Variants in NUDCD3 observed in about 807,000 individuals in gnomAD.
NUDCD3 encodes the protein nudC domain-containing protein 3.
NUDCD3 carries 13 observed loss-of-function variants against 39.7 expected under a neutral mutation model. The observed-to-expected ratio is 0.33, with a 90% CI of 0.21 to 0.52. The LOEUF is 0.52. Among genes scored for constraint, NUDCD3 ranks in the 20% least tolerant of loss-of-function variants. The pLI is 0.96. For missense variants in NUDCD3, 453 were observed against 458.1 expected (o/e 0.99, Z 0.10); for synonymous variants, 175 against 172.4 (o/e 1.02, Z -0.12).
intron 5 of NUDCD3, among the ~76,000 whole-genome samples, chr7:44,387,655 A>C (rs1480893958): frequency 6.6e-6 from 1 of 152,184 alleles, no homozygotes; most frequent in East Asian, 1.9e-4. Flanking sequence ...CAGCCACCAC[A>C]GTCTTACCCT....
chr7:44,433,833 C>T, intron 2 of NUDCD3, among the ~76,000 whole-genome samples: 1 of 152,132 alleles, frequency 6.6e-6, no homozygotes. Flanking sequence ...GCCCAGGAGA[C>T]AAGGCCAGGG....
At chr7:44,460,635 A>C (rs1444193865) in intron 2 of NUDCD3, among the ~76,000 whole-genome samples, 2 of 152,210 alleles carry the variant, frequency 1.3e-5, no homozygotes, top group Non-Finnish European at 2.9e-5. Flanking sequence ...CTGAGGTTCT[A>C]AACCTATTTA....
intron 2 of NUDCD3, among the ~76,000 whole-genome samples, chr7:44,479,840 G>A (rs541506755): frequency 1.5e-4 from 23 of 152,224 alleles, no homozygotes; most frequent in Non-Finnish European, 3.1e-4. Context: ...AGGACTTGGG[G>A]TGCAGCTAAA....
chr7:44,467,116 A>C (rs555556571), intron 2 of NUDCD3, among the ~76,000 whole-genome samples: 1 of 152,334 alleles, frequency 6.6e-6, no homozygotes, highest in East Asian at 1.9e-4. Flanking sequence ...TCTGCAGGGC[A>C]GAGTGTGCTG....
At position 44,485,079 on chromosome 7, in the gene NUDCD3, A is replaced by T. The variant is rs776659627; in HGVS notation, c.398T>A (p.Val133Glu). Residue 133 changes from valine to glutamate, a missense_variant, in exon 2 of 6, where the codon GTG (valine) becomes GAG (glutamate). Transcript: ENST00000355451. ...ELDGHQEVEK[V>E]QPPGPVKEMA... ...TTCCTTCACAGGGCCTGGAGGCTGC[A>T]CTTTCTCTACTTCCTGATGCCCATC... 1 of 1,614,136 alleles carries T rather than the reference A, an allele frequency of 6.2e-7. No homozygotes were observed. Among genetic ancestry groups the T allele is most frequent in the South Asian group, 1.1e-5 (1 of 91,086 alleles).
intron 1 of NUDCD3, 126 bp downstream of exon 1, chr7:44,490,283 A>T: frequency 1.1e-6 from 1 of 935,002 alleles, no homozygotes; most frequent in Non-Finnish European, 1.5e-6. Context: ...AGCCATTCTC[A>T]CAAGCTCAAC....
At chr7:44,488,437 T>C (rs1459249432) in intron 1 of NUDCD3, among the ~76,000 whole-genome samples, 2 of 152,252 alleles carry the variant, frequency 1.3e-5, no homozygotes, top group South Asian at 2.1e-4. Context: ...AAGCATCTGC[T>C]GGAGACTGTT....
At chr7:44,479,026 T>G (rs996078320) in intron 2 of NUDCD3, among the ~76,000 whole-genome samples, 1 of 152,188 alleles carries the variant, frequency 6.6e-6, no homozygotes, top group African/African-American at 2.4e-5. Flanking sequence ...AAACACATCC[T>G]TCTTCACATA....
chr7:44,490,454 G>C lies in NUDCD3; in HGVS notation c.147C>G (p.Asp49Glu). The C allele has an allele frequency of 1.9e-6, 3 of 1,596,564 alleles. No homozygotes were observed. The highest frequency in any genetic ancestry group is 2.6e-6 in the Non-Finnish European group (3 of 1,172,676). The change falls in exon 1 of 6, where the codon GAC becomes GAG. Residue 49 changes from aspartate (D) to glutamate (E), a missense_variant. Asp to Glu is a conservative substitution (Grantham distance 45). Transcript: ENST00000355451. ...CGGCCCCGGGCGGGAAGCCCATGCG[G>C]TCCGATGGGTGGCGCAGCAAGCGAT... The part of the protein sequence containing the change: ...DFYRLLRHPS[D>E]RMGFPPGAAQ...
intron 2 of NUDCD3, among the ~76,000 whole-genome samples, chr7:44,430,000 G>C (rs189678653): frequency 1.8e-3 from 275 of 152,268 alleles, no homozygotes; most frequent in African/African-American, 6.3e-3. Context: ...TAATTTCTAA[G>C]AAGAAATATA....
chr7:44,439,776 C>A, intron 2 of NUDCD3, among the ~76,000 whole-genome samples: 1 of 151,852 alleles, frequency 6.6e-6, no homozygotes, highest in East Asian at 1.9e-4. Flanking sequence ...TTATAATGAA[C>A]AAATGAGGGA....
chr7:44,457,596 G>A (rs1799928256), intron 2 of NUDCD3, among the ~76,000 whole-genome samples: 1 of 152,204 alleles, frequency 6.6e-6, no homozygotes, highest in Non-Finnish European at 1.5e-5. Flanking sequence ...AGGAATACAT[G>A]TTTTAAACTA....
At chr7:44,428,418 G>A (rs1479378264) in intron 2 of NUDCD3, among the ~76,000 whole-genome samples, 1 of 151,760 alleles carries the variant, frequency 6.6e-6, no homozygotes, top group Non-Finnish European at 1.5e-5. Flanking sequence ...ACTCCAGCCT[G>A]GGCAACAAGA....
intron 2 of NUDCD3, chr7:44,481,243 A>G (rs1034021790): frequency 6.6e-6 from 1 of 152,240 alleles, no homozygotes; most frequent in Non-Finnish European, 1.5e-5. Flanking sequence ...TGCAGATACC[A>G]AGGGATAAGT....
intron 4 of NUDCD3, chr7:44,402,907 CCACGTGAAGCT>C: frequency 3.8e-6 from 1 of 263,402 alleles, no homozygotes; most frequent in Non-Finnish European, 7.8e-6. Context: ...ACCTCCACAA[CCACGTGAAGCT>C]CAAGTGAGGG....
At chr7:44,433,435 G>A (rs903340849) in intron 2 of NUDCD3, among the ~76,000 whole-genome samples, 2 of 152,126 alleles carry the variant, frequency 1.3e-5, no homozygotes, top group Non-Finnish European at 2.9e-5. Context: ...CACATGTACT[G>A]TGTGTGCAGT....
rs954990439 is a variant in NUDCD3 at position 44,380,679 on chromosome 7, T to C, written c.*5332A>G. On this transcript the variant is annotated 3_prime_UTR_variant, in exon 6 of 6. Coordinates refer to ENST00000355451, the MANE Select transcript of NUDCD3 (RefSeq NM_015332.4). ...CTGTTGAGTTCATGAACTCTCAGGC[T>C]GGAGCTCAGCAGTCCCACTAGGGAC... 2 of 152,396 alleles carry C rather than the reference T, an allele frequency of 1.3e-5. No individual in the cohort carries two copies. Among genetic ancestry groups the C allele is most frequent in the African/African-American group, 4.8e-5 (2 of 41,592 alleles). The allele number at this position is 152,396 out of a possible 1,614,324, so 9.4% of individuals were successfully genotyped here.
chr7:44,468,624 G>A (rs1266546255), intron 2 of NUDCD3, among the ~76,000 whole-genome samples: 1 of 152,118 alleles, frequency 6.6e-6, no homozygotes, highest in Non-Finnish European at 1.5e-5. Context: ...TCATCCACTG[G>A]GAGAGTCTAG....
At chr7:44,426,196 A>C in intron 3 of NUDCD3, 2 of 984,070 alleles carry the variant, frequency 2.0e-6, no homozygotes, top group Non-Finnish European at 2.4e-6. Flanking sequence ...TTGTAGCTGA[A>C]GAAAAATAAA....
Sources: allele counts gnomAD v4.1 joint callset (sites outside exome capture counted in the v4.1 genomes callset), GRCh38; gene constraint gnomAD v4.1.1; transcripts MANE v1.5; gene names NCBI Gene and HGNC (gene_info 2026-07-23, HGNC 2026-07-21).